AUTS2: variants seen among roughly 807,000 people sequenced by gnomAD.
The protein encoded by AUTS2 is autism susceptibility gene 2 protein.
In AUTS2, 17 loss-of-function variants were observed where a neutral mutation model predicts 112.4. The ratio of observed to expected loss-of-function variants is 0.15; its 90% CI spans 0.10 to 0.23. The LOEUF is 0.23. Among genes scored for constraint, AUTS2 ranks in the 10% least tolerant of loss-of-function variants. The pLI is 1.00. For synonymous variants in AUTS2, 751 were observed against 702.7 expected (o/e 1.07, Z -1.09); for missense variants, 1,510 against 1,701.6 (o/e 0.89, Z 1.98).
At chr7:70,532,600 G>C (rs763532314) in intron 5 of AUTS2, among the ~76,000 whole-genome samples, 1 of 152,156 alleles carries the variant, frequency 6.6e-6, no homozygotes, top group South Asian at 2.1e-4. Flanking sequence ...CTGCATTCGC[G>C]TATCCAGCTA....
At chr7:69,894,778 G>A (rs1794676988) in intron 1 of AUTS2, among the ~76,000 whole-genome samples, 1 of 151,840 alleles carries the variant, frequency 6.6e-6, no homozygotes, top group African/African-American at 2.4e-5. Context: ...TAATCCTTAG[G>A]CCTAAATAGC....
chr7:69,759,285 T>G (rs1214902004), intron 1 of AUTS2, among the ~76,000 whole-genome samples: 1 of 152,114 alleles, frequency 6.6e-6, no homozygotes, highest in Non-Finnish European at 1.5e-5. Flanking sequence ...AACATCTGTA[T>G]CTACATAATG....
chr7:70,320,264 T>C (rs1041549285), intron 4 of AUTS2, among the ~76,000 whole-genome samples: 1 of 152,186 alleles, frequency 6.6e-6, no homozygotes. Context: ...GCATTCTTCA[T>C]GCCACCCCAG....
intron 4 of AUTS2, among the ~76,000 whole-genome samples, chr7:70,304,247 A>C (rs1200199511): frequency 6.6e-6 from 1 of 152,220 alleles, no homozygotes; most frequent in Admixed American, 6.5e-5. Flanking sequence ...TGAAAACTTA[A>C]GCCTGTAGTC....
chr7:70,272,044 G>A (rs1012212632), intron 4 of AUTS2, among the ~76,000 whole-genome samples: 8 of 152,112 alleles, frequency 5.3e-5, no homozygotes, highest in Non-Finnish European at 8.8e-5. Context: ...TTGAGCCTGC[G>A]TCTCTCCTGA....
rs77497525 is a variant in AUTS2, at chr7:70,100,840, T to A, written c.523-17292T>A. Among the ~76,000 whole-genome samples, 1,337 of 152,262 alleles carry A rather than the reference T, an allele frequency of 8.8e-3. 23 individuals carry two copies. The highest frequency in any genetic ancestry group is 0.031 in the African/African-American group (1,273 of 41,554). The stretch of plus-strand genomic sequence containing the variant: ...AAGGACAGCTGTCATGAAGGATAGG[T>A]AATCACAGTAAAGTAGTGATGCTTC... On this transcript the variant is annotated intron_variant, in intron 2 of 18. Transcript: ENST00000342771.
At chr7:70,384,211 C>T (rs978537986) in intron 4 of AUTS2, among the ~76,000 whole-genome samples, 19 of 152,206 alleles carry the variant, frequency 1.2e-4, no homozygotes, top group Middle Eastern at 3.4e-3. Context: ...AGTGGGGGGA[C>T]GTTTTCTTAG....
At chr7:70,495,453 T>A (rs1237332154) in intron 5 of AUTS2, among the ~76,000 whole-genome samples, 1 of 151,960 alleles carries the variant, frequency 6.6e-6, no homozygotes, top group Non-Finnish European at 1.5e-5. Flanking sequence ...AACAGTTGCT[T>A]ACAGTCTCCT....
intron 1 of AUTS2, among the ~76,000 whole-genome samples, chr7:69,826,257 T>G (rs1791238707): frequency 6.6e-6 from 1 of 152,228 alleles, no homozygotes; most frequent in African/African-American, 2.4e-5. Flanking sequence ...CAGAAGGTTT[T>G]AATCTCTCAC....
Position 70,001,006 on chromosome 7 carries a change from A to G in AUTS2, c.522+101508A>G, listed in dbSNP as rs150299694. The stretch of plus-strand genomic sequence containing the variant: ...GCCTGGCAGCAAAAAGCCTGGTTGA[A>G]TTAAGCTTGGGCTTTTAGATCCTAG... On this transcript the variant is annotated intron_variant, in intron 2 of 18. Transcript: ENST00000342771. Among the ~76,000 whole-genome samples, 1,208 of 152,342 alleles carry G rather than the reference A, an allele frequency of 7.9e-3. 11 individuals carry two copies. Among genetic ancestry groups the G allele is most frequent in the Middle Eastern group, 0.027 (8 of 294 alleles).
chr7:69,892,198 A>C (rs1794558597), intron 1 of AUTS2, among the ~76,000 whole-genome samples: 1 of 140,992 alleles, frequency 7.1e-6, no homozygotes, highest in Non-Finnish European at 1.5e-5. Context: ...TTTAAGATGG[A>C]ATCTTGCTCT....
chr7:70,599,437 T>C (rs951810608), intron 5 of AUTS2, among the ~76,000 whole-genome samples: 1 of 152,210 alleles, frequency 6.6e-6, no homozygotes, highest in Non-Finnish European at 1.5e-5. Flanking sequence ...TTTGAGGTCA[T>C]CTAGGCCCTC....
chr7:70,203,489 T>C (rs1407424278), intron 4 of AUTS2, among the ~76,000 whole-genome samples: 2 of 150,858 alleles, frequency 1.3e-5, no homozygotes, highest in Non-Finnish European at 3.0e-5. Flanking sequence ...AACTATTGAT[T>C]AACCATATGC....
chr7:70,019,087 A>G (rs896299455), intron 2 of AUTS2, among the ~76,000 whole-genome samples: 16 of 152,260 alleles, frequency 1.1e-4, no homozygotes, highest in Non-Finnish European at 1.6e-4. Context: ...AGCCACAAAA[A>G]AGAATGAGGT....
chr7:70,025,795 T>A (rs76861898), intron 2 of AUTS2, among the ~76,000 whole-genome samples: 36 of 150,906 alleles, frequency 2.4e-4, no homozygotes, highest in Admixed American at 4.6e-4. Flanking sequence ...TTTTTTTTTT[T>A]AATAGGATGC....
chr7:70,209,275 A>T (rs984345051), intron 4 of AUTS2, among the ~76,000 whole-genome samples: 1 of 152,188 alleles, frequency 6.6e-6, no homozygotes, highest in African/African-American at 2.4e-5. Context: ...TGGATGGCTG[A>T]TATCATGTGT....
intron 4 of AUTS2, among the ~76,000 whole-genome samples, chr7:70,184,520 G>A (rs1809496203): frequency 6.6e-6 from 1 of 152,128 alleles, no homozygotes; most frequent in African/African-American, 2.4e-5. Flanking sequence ...CTTGTTTTTA[G>A]AACAAGACCT....
At chr7:69,756,865 T>C (rs1039722525) in intron 1 of AUTS2, among the ~76,000 whole-genome samples, 6 of 152,194 alleles carry the variant, frequency 3.9e-5, no homozygotes, top group Admixed American at 2.6e-4. Context: ...TTTATTGAAT[T>C]AGTGAATGAA....
At chr7:70,425,284 T>C (rs540458949) in intron 4 of AUTS2, among the ~76,000 whole-genome samples, 5 of 152,350 alleles carry the variant, frequency 3.3e-5, no homozygotes, top group African/African-American at 9.6e-5. Context: ...CAATTACCTA[T>C]TGAAGACAAA....
Sources: gnomAD v4.1 joint callset for allele counts (sites outside exome capture counted in the v4.1 genomes callset) on GRCh38, gnomAD v4.1.1 for gene constraint, MANE v1.5 for transcripts, NCBI Gene and HGNC (gene_info 2026-07-23, HGNC 2026-07-21) for gene names.